Variants in HOXC4 observed in about 807,000 individuals in gnomAD.
The protein encoded by HOXC4 is homeobox protein Hox-C4.
Under a neutral mutation model 25.5 loss-of-function variants are expected in HOXC4, and 15 were observed. The observed-to-expected ratio is 0.59, with a 90% CI of 0.39 to 0.91. The LOEUF (loss-of-function observed/expected upper bound fraction) is 0.91, where lower values mean the gene tolerates loss of function less well. HOXC4 is among the 40% of genes least tolerant of loss of function. The pLI is 0.00. For missense variants in HOXC4, 342 were observed against 352.4 expected (o/e 0.97, Z 0.24); for synonymous variants, 165 against 148.0 (o/e 1.11, Z -0.83).
At chr12:54,028,967 CT>C (rs1940857975) in intron 1 of HOXC4, 2 of 1,532,154 alleles carry the variant, frequency 1.3e-6, no homozygotes, top group Non-Finnish European at 1.8e-6. Context: ...ACTGAACTGG[CT>C]TTATGACCGG....
chr12:54,043,712 T>G (rs1004086114), intron 1 of HOXC4, among the ~76,000 whole-genome samples: 15 of 152,072 alleles, frequency 9.9e-5, no homozygotes, highest in African/African-American at 3.6e-4. Context: ...TCTTCAGTGT[T>G]GTGTTGGCCC....
intron 1 of HOXC4, 94 bp downstream of exon 1, chr12:54,054,455 T>G: frequency 2.8e-6 from 2 of 723,460 alleles, no homozygotes; most frequent in Non-Finnish European, 4.4e-6. Flanking sequence ...TCCTCCTTTC[T>G]CTCCTTCCCC....
intron 1 of HOXC4, among the ~76,000 whole-genome samples, chr12:54,045,874 T>G (rs983041211): frequency 7.2e-5 from 11 of 152,100 alleles, no homozygotes; most frequent in African/African-American, 2.7e-4. Context: ...ACTCTAGGGG[T>G]CATAGACTGC....
upstream of HOXC4, among the ~76,000 whole-genome samples, chr12:54,051,341 G>C (rs753789974): frequency 3.3e-5 from 5 of 152,118 alleles, no homozygotes; most frequent in Non-Finnish European, 5.9e-5. Flanking sequence ...CTACAGTTCA[G>C]ACTTAGGTAC....
chr12:54,017,673 C>T (rs989624943), intron 1 of HOXC4, among the ~76,000 whole-genome samples: 1 of 152,014 alleles, frequency 6.6e-6, no homozygotes, highest in African/African-American at 2.4e-5. Context: ...GGGAACAGCA[C>T]CTGTGGGGCT....
At position 54,055,231 on chromosome 12, in the gene HOXC4, C is replaced by A. The variant is rs776001739; in HGVS notation, c.*26C>A. The A allele has an allele frequency of 4.1e-5, 52 of 1,257,786 alleles. No homozygotes were observed. Among genetic ancestry groups the A allele is most frequent in the Non-Finnish European group, 5.6e-5 (52 of 927,016 alleles). The allele number at this position is 1,257,786 out of a possible 1,614,324, so 77.9% of individuals were successfully genotyped here. Reference sequence around the variant, plus strand: ...AACATAACTCACACCCCTGCCCCCACCCCATGCCCCCACCCTCCCCTCACA... The same window carrying A: ...AACATAACTCACACCCCTGCCCCCAACCCATGCCCCCACCCTCCCCTCACA... On this transcript the variant is annotated 3_prime_UTR_variant, in exon 2 of 2. Coordinates refer to ENST00000430889, the MANE Select transcript of HOXC4 (RefSeq NM_153633.3).
intron 1 of HOXC4, among the ~76,000 whole-genome samples, chr12:54,031,511 G>A (rs956589862): frequency 1.3e-5 from 2 of 152,208 alleles, no homozygotes; most frequent in African/African-American, 4.8e-5. Context: ...TCCTCAAACG[G>A]GTGAAGAGGC....
chr12:54,033,024 A>AT, intron 1 of HOXC4: 1 of 914,280 alleles, frequency 1.1e-6, no homozygotes, highest in Non-Finnish European at 1.7e-6. Context: ...CCACCTATAA[A>AT]TTGTCCACTT....
intron 1 of HOXC4, among the ~76,000 whole-genome samples, chr12:54,024,875 A>G (rs999664428): frequency 1.7e-4 from 26 of 152,262 alleles, no homozygotes; most frequent in African/African-American, 5.1e-4. Context: ...TCCTATAATT[A>G]GCGCTATCAA....
intron 1 of HOXC4, among the ~76,000 whole-genome samples, chr12:54,027,348 G>C (rs1036277489): frequency 1.2e-4 from 18 of 152,206 alleles, no homozygotes; most frequent in African/African-American, 4.3e-4. Flanking sequence ...GCGGTGCCCT[G>C]AGTCTGGAGG....
intron 1 of HOXC4, among the ~76,000 whole-genome samples, chr12:54,043,926 G>A (rs1337574955): frequency 9.3e-6 from 1 of 107,670 alleles, no homozygotes; most frequent in Non-Finnish European, 1.9e-5. Flanking sequence ...GGCTGTGTGT[G>A]TGTGTGTGTG....
chr12:54,025,527 TGGGG>T lies in HOXC4; in HGVS notation c.-124+8121_-124+8124del, dbSNP rs999135770. On this transcript the variant is annotated intron_variant, in intron 1 of 3. Coordinates refer to the HOXC4 transcript ENST00000303406. ...TCTTTCCTCAGGAATGAAAGGTAAT[TGGGG>T]GGGGGGGAGGTGTTGAAAATTAATT... 5.5e-4 allele frequency among the ~76,000 whole-genome samples: 7 copies of T among 12,664 alleles called. No homozygotes were observed. In the East Asian group the frequency reaches 0.022, roughly 41 times the overall value. 8.3% of individuals were successfully genotyped at this position (12,664 alleles called of 152,430 possible).
intron 1 of HOXC4, among the ~76,000 whole-genome samples, chr12:54,038,978 G>A (rs1941229709): frequency 6.6e-6 from 1 of 152,198 alleles, no homozygotes; most frequent in East Asian, 1.9e-4. Flanking sequence ...CGTTGGGCAT[G>A]AGAGGCACAT....
intron 1 of HOXC4, among the ~76,000 whole-genome samples, chr12:54,029,174 G>A (rs1440105831): frequency 6.6e-6 from 1 of 152,198 alleles, no homozygotes; most frequent in Non-Finnish European, 1.5e-5. Context: ...CAGGGCAGGG[G>A]ATGAGGGGAG....
rs546557572 is a variant in HOXC4 at position 54,046,195 on chromosome 12, C to T, written c.-123-6965C>T. Among the ~76,000 whole-genome samples the T allele has an allele frequency of 4.6e-5, 7 of 152,338 alleles. No individual in the cohort carries two copies. In the South Asian group the frequency reaches 1.0e-3, roughly 23 times the overall value. On this transcript the variant is annotated intron_variant, in intron 1 of 3. Coordinates refer to the HOXC4 transcript ENST00000303406. ...CGGTGCCCAGGGCCCAATTAAGCGG[C>T]CGCCTTGCGCCCAGCAGCCCCGCTC...
chr12:54,037,257 T>C (rs1412990588), intron 1 of HOXC4, among the ~76,000 whole-genome samples: 1 of 152,232 alleles, frequency 6.6e-6, no homozygotes, highest in Non-Finnish European at 1.5e-5. Flanking sequence ...GAACAGGGGC[T>C]TCTGCTTTGG....
upstream of HOXC4, among the ~76,000 whole-genome samples, chr12:54,052,330 C>A (rs1410459836): frequency 6.6e-6 from 1 of 152,234 alleles, no homozygotes; most frequent in Non-Finnish European, 1.5e-5. Flanking sequence ...CCTACCACCG[C>A]TGGCAGATTT....
chr12:54,026,933 C>CT (rs796495350), intron 1 of HOXC4, among the ~76,000 whole-genome samples: 3 of 145,058 alleles, frequency 2.1e-5, no homozygotes, highest in African/African-American at 7.9e-5. Flanking sequence ...TTATAGCCAG[C>CT]TTTCCCCCCC....
intron 1 of HOXC4, chr12:54,020,333 C>T (rs1434195251): frequency 6.6e-6 from 1 of 152,270 alleles, no homozygotes; most frequent in African/African-American, 2.4e-5. Flanking sequence ...CACCCTTAGG[C>T]TTGCCTGCCC....
Sources: allele counts gnomAD v4.1 joint callset (sites outside exome capture counted in the v4.1 genomes callset), GRCh38; gene constraint gnomAD v4.1.1; transcripts MANE v1.5; gene names NCBI Gene and HGNC (gene_info 2026-07-23, HGNC 2026-07-21).